FRMD4A: variants seen among roughly 807,000 people sequenced by gnomAD.
FRMD4A encodes FERM domain containing 4A, also known as FERM domain-containing protein 4A.
Under a neutral mutation model 129.1 loss-of-function variants are expected in FRMD4A, and 29 were observed. That is an observed-to-expected ratio of 0.22 (90% CI 0.17 to 0.31). The LOEUF (loss-of-function observed/expected upper bound fraction) is 0.31, where lower values mean the gene tolerates loss of function less well. Ranked by LOEUF, FRMD4A falls within the 10% of genes least tolerant of loss-of-function variation. The probability of loss-of-function intolerance (pLI) is 1.00; values close to 1 mark genes in which losing one functional copy is unlikely to be tolerated. For missense variants in FRMD4A, 1,272 were observed against 1,375.8 expected, an observed-to-expected ratio of 0.92 and a Z score of 1.19; for synonymous variants, 634 against 571.6, an observed-to-expected ratio of 1.11 and a Z score of -1.56.
Position 13,948,207 on chromosome 10 carries a change from A to T in FRMD4A, c.46-89295T>A, listed in dbSNP as rs1280765391. Reference sequence around the variant, plus strand: ...TGAAATATATATATATATTTTTAAGATACAGGATTCTCACTGTTGCCCAGG... The same window carrying T: ...TGAAATATATATATATATTTTTAAGTTACAGGATTCTCACTGTTGCCCAGG... On this transcript the variant is annotated intron_variant, in intron 2 of 24. Coordinates refer to ENST00000357447, the MANE Select transcript of FRMD4A (RefSeq NM_018027.5). 2.6e-5 allele frequency among the ~76,000 whole-genome samples: 4 copies of T among 152,132 alleles called. No homozygotes were observed. In the East Asian group the frequency reaches 7.7e-4, roughly 29 times the overall value.
At chr10:13,984,745 T>C (rs1284243272) in intron 2 of FRMD4A, among the ~76,000 whole-genome samples, 2 of 152,258 alleles carry the variant, frequency 1.3e-5, no homozygotes, top group African/African-American at 2.4e-5. Context: ...TTCCATTGTA[T>C]GGAGAGACCA....
At chr10:13,793,335 C>T (rs1413244679) in intron 5 of FRMD4A, among the ~76,000 whole-genome samples, 4 of 152,098 alleles carry the variant, frequency 2.6e-5, no homozygotes. Flanking sequence ...TCATTCCTAG[C>T]TAATTTTTGT....
Position 13,871,854 on chromosome 10 carries a change from C to A in FRMD4A, c.46-12942G>T, listed in dbSNP as rs546683438. On this transcript the variant is annotated intron_variant, in intron 2 of 24. Coordinates refer to ENST00000357447, the MANE Select transcript of FRMD4A (RefSeq NM_018027.5). ...CCAGAGGTCTGAGCCACACACTGTG[C>A]CTCCCTTGCTACCCTCCCTGAGCCA... Among the ~76,000 whole-genome samples the A allele has an allele frequency of 5.9e-5, 9 of 152,352 alleles. No homozygotes were observed. In the East Asian group the frequency reaches 1.7e-3, roughly 29 times the overall value.
At chr10:14,042,193 CCTGGCACGCTTATA>C (rs1425046106) in intron 2 of FRMD4A, among the ~76,000 whole-genome samples, 2 of 152,140 alleles carry the variant, frequency 1.3e-5, no homozygotes, top group Non-Finnish European at 2.9e-5. Context: ...AAATATTTGC[CCTGGCACGCTTATA>C]CTGGTCCAAG....
chr10:13,909,547 T>C (rs2094919578), intron 2 of FRMD4A, among the ~76,000 whole-genome samples: 1 of 152,198 alleles, frequency 6.6e-6, no homozygotes, highest in Admixed American at 6.5e-5. Flanking sequence ...TAAACAGTAA[T>C]TATGAATGCA....
intron 2 of FRMD4A, among the ~76,000 whole-genome samples, chr10:13,966,303 T>G (rs566098288): frequency 6.6e-6 from 1 of 152,278 alleles, no homozygotes; most frequent in Admixed American, 6.5e-5. Context: ...TTTGTATAAT[T>G]TTTAATGATT....
chr10:14,172,305 C>T (rs1841518279), intron 2 of FRMD4A, among the ~76,000 whole-genome samples: 1 of 152,164 alleles, frequency 6.6e-6, no homozygotes, highest in Non-Finnish European at 1.5e-5. Flanking sequence ...AGGACCCGAA[C>T]CCCACAGTTT....
At chr10:14,223,293 T>C (rs1157165353) in intron 2 of FRMD4A, among the ~76,000 whole-genome samples, 1 of 152,326 alleles carries the variant, frequency 6.6e-6, no homozygotes, top group South Asian at 2.1e-4. Flanking sequence ...GTTCCCTCAC[T>C]GTGTGAGCAA....
At chr10:14,245,671 A>C (rs1248987633) in intron 2 of FRMD4A, among the ~76,000 whole-genome samples, 1 of 152,098 alleles carries the variant, frequency 6.6e-6, no homozygotes, top group Non-Finnish European at 1.5e-5. Flanking sequence ...AAGACGAGGA[A>C]ATTTGGACAG....
intron 2 of FRMD4A, among the ~76,000 whole-genome samples, chr10:13,919,506 C>T (rs773678602): frequency 4.6e-5 from 7 of 151,870 alleles, no homozygotes; most frequent in Non-Finnish European, 8.8e-5. Context: ...ATTATATATA[C>T]ACAAATTAAA....
chr10:13,878,523 C>T (rs1451296859), intron 2 of FRMD4A, among the ~76,000 whole-genome samples: 3 of 152,092 alleles, frequency 2.0e-5, no homozygotes, highest in African/African-American at 4.8e-5. Flanking sequence ...GAGGCCGAGG[C>T]GGGCAGATCA....
At chr10:13,652,834 T>TTTGTGTTACAGGTAAG (rs1348964803) in intron 23 of FRMD4A, 4 of 152,242 alleles carry the variant, frequency 2.6e-5, no homozygotes, top group African/African-American at 9.6e-5. Context: ...TTGGATTTTT[T>TTTGTGTTACAGGTAAG]TTGTGTTACA....
At chr10:13,726,550 C>T (rs967501071) in intron 12 of FRMD4A, among the ~76,000 whole-genome samples, 1 of 152,226 alleles carries the variant, frequency 6.6e-6, no homozygotes, top group Non-Finnish European at 1.5e-5. Flanking sequence ...GCTCAAGTCA[C>T]CTTCAAGGCT....
chr10:14,236,100 C>T (rs893478159), intron 2 of FRMD4A, among the ~76,000 whole-genome samples: 2 of 152,198 alleles, frequency 1.3e-5, no homozygotes, highest in African/African-American at 2.4e-5. Flanking sequence ...CTTTCCTATT[C>T]TTGACGATTT....
chr10:14,272,990 C>T (rs1014647075), intron 2 of FRMD4A, among the ~76,000 whole-genome samples: 8 of 151,962 alleles, frequency 5.3e-5, no homozygotes, highest in East Asian at 1.9e-4. Context: ...CTGAGGCAGA[C>T]GGATTGCCTG....
At chr10:14,178,944 G>A (rs11258920) in intron 2 of FRMD4A, among the ~76,000 whole-genome samples, 75,273 of 151,800 alleles carry the variant, frequency 0.5, 20,363 homozygotes, top group Non-Finnish European at 0.6. Flanking sequence ...CCACACCAAG[G>A]AACCTCTCTT....
At chr10:14,223,607 G>A (rs1174998321) in intron 2 of FRMD4A, among the ~76,000 whole-genome samples, 4 of 151,996 alleles carry the variant, frequency 2.6e-5, no homozygotes, top group East Asian at 3.9e-4. Context: ...CAGGCATGGA[G>A]GCACACAACT....
intron 2 of FRMD4A, among the ~76,000 whole-genome samples, chr10:14,031,484 T>A (rs985478551): frequency 3.5e-4 from 53 of 152,144 alleles, no homozygotes; most frequent in African/African-American, 1.3e-3. Context: ...GTCAGGCTGG[T>A]CTTGAACTCC....
chr10:14,000,791 G>C (rs2095640157), intron 2 of FRMD4A, among the ~76,000 whole-genome samples: 1 of 151,930 alleles, frequency 6.6e-6, no homozygotes, highest in Non-Finnish European at 1.5e-5. Context: ...AAGAAAAGAA[G>C]CATACAGGAG....
Sources: allele counts gnomAD v4.1 joint callset (sites outside exome capture counted in the v4.1 genomes callset), GRCh38; gene constraint gnomAD v4.1.1; transcripts MANE v1.5; gene names NCBI Gene and HGNC (gene_info 2026-07-23, HGNC 2026-07-21).